The following LRRC4C variants were observed in gnomAD, a reference collection of about 807,000 sequenced individuals.
LRRC4C encodes the protein leucine-rich repeat-containing protein 4C.
Under a neutral mutation model 33.6 loss-of-function variants are expected in LRRC4C, and 5 were observed. The ratio of observed to expected loss-of-function variants is 0.15; its 90% confidence interval spans 0.08 to 0.31. LRRC4C has a LOEUF of 0.31. LRRC4C is among the 10% of genes least tolerant of loss of function. The pLI is 1.00. For synonymous variants in LRRC4C, 329 were observed against 302.0 expected, an observed-to-expected ratio of 1.09 and a Z score of -0.93; for missense variants, 560 against 796.7, an observed-to-expected ratio of 0.70 and a Z score of 3.58.
intron 1 of LRRC4C, among the ~76,000 whole-genome samples, chr11:41,083,216 A>G (rs1461387936): frequency 3.9e-5 from 6 of 152,084 alleles, no homozygotes; most frequent in Non-Finnish European, 7.3e-5. Context: ...ACAAAGTATT[A>G]TTTATCTGAT....
intron 6 of LRRC4C, among the ~76,000 whole-genome samples, chr11:40,139,533 A>G (rs1234613573): frequency 6.6e-6 from 1 of 152,154 alleles, no homozygotes. Flanking sequence ...GACTTCACAC[A>G]TTATTTCCTT....
In LRRC4C at chr11:40,548,012, G is replaced by C. The variant is rs61886240; in HGVS notation, c.-270+100130C>G. Among the ~76,000 whole-genome samples, 662 of 152,138 alleles carry C rather than the reference G, an allele frequency of 4.4e-3. 4 individuals carry two copies. The highest frequency in any genetic ancestry group is 0.033 in the South Asian group (159 of 4,822). The stretch of plus-strand genomic sequence containing the variant: ...GAATGAGTCAGGCAATAAACACGGA[G>C]AATCAGTGAAGTGAATAGTATGTCA... On this transcript the variant is annotated intron_variant, in intron 3 of 6. Transcript: ENST00000528697.
At chr11:40,306,337 T>G (rs543992678) in intron 4 of LRRC4C, among the ~76,000 whole-genome samples, 1 of 152,330 alleles carries the variant, frequency 6.6e-6, no homozygotes, top group South Asian at 2.1e-4. Context: ...TCAGTTTGTC[T>G]GTTTTAAATA....
chr11:40,594,998 T>C (rs903633296), intron 3 of LRRC4C, among the ~76,000 whole-genome samples: 1 of 152,128 alleles, frequency 6.6e-6, no homozygotes, highest in African/African-American at 2.4e-5. Context: ...ATTGTTCTTT[T>C]ACACAGTAAG....
intron 2 of LRRC4C, among the ~76,000 whole-genome samples, chr11:40,909,946 T>G (rs1317165842): frequency 6.6e-6 from 1 of 152,218 alleles, no homozygotes; most frequent in African/African-American, 2.4e-5. Flanking sequence ...TCATTTATTT[T>G]AATGGAACAT....
At chr11:41,327,041 T>G (rs931154382) in intron 1 of LRRC4C, among the ~76,000 whole-genome samples, 2 of 152,174 alleles carry the variant, frequency 1.3e-5, no homozygotes, top group Non-Finnish European at 2.9e-5. Context: ...TAACTATTTG[T>G]GAGCCTCAGA....
At chr11:41,346,180 C>T (rs933449995) in intron 1 of LRRC4C, among the ~76,000 whole-genome samples, 1 of 152,270 alleles carries the variant, frequency 6.6e-6, no homozygotes, top group South Asian at 2.1e-4. Context: ...AAACAAAGCA[C>T]ATTAAAGAGA....
At chr11:40,543,434 T>C (rs1956800646) in intron 3 of LRRC4C, among the ~76,000 whole-genome samples, 1 of 152,096 alleles carries the variant, frequency 6.6e-6, no homozygotes, top group African/African-American at 2.4e-5. Context: ...TGAAAGCCAC[T>C]GTATTATAAT....
chr11:40,837,676 CAAAAAAAAAAAA>C (rs139136576), intron 2 of LRRC4C, among the ~76,000 whole-genome samples: 2 of 108,496 alleles, frequency 1.8e-5, no homozygotes, highest in Non-Finnish European at 3.7e-5. Flanking sequence ...CCTGTCTCTT[CAAAAAAAAAAAA>C]AAAAAAAAAT....
chr11:40,627,460 C>G (rs1000773633), intron 3 of LRRC4C, among the ~76,000 whole-genome samples: 1 of 152,026 alleles, frequency 6.6e-6, no homozygotes, highest in African/African-American at 2.4e-5. Flanking sequence ...AGAAAGTGAG[C>G]CTTAAGTAAG....
chr11:40,289,454 C>T (rs760599632), intron 4 of LRRC4C, among the ~76,000 whole-genome samples: 7 of 152,074 alleles, frequency 4.6e-5, no homozygotes, highest in Admixed American at 6.6e-5. Flanking sequence ...TATTTGAAAA[C>T]GTAACTTTAA....
At chr11:40,901,304 A>C (rs1956185083) in intron 2 of LRRC4C, among the ~76,000 whole-genome samples, 1 of 152,040 alleles carries the variant, frequency 6.6e-6, no homozygotes, top group Non-Finnish European at 1.5e-5. Flanking sequence ...ATACAAATTT[A>C]ATGGAATTCA....
At chr11:40,722,993 G>T (rs1300258899) in intron 2 of LRRC4C, among the ~76,000 whole-genome samples, 1 of 151,788 alleles carries the variant, frequency 6.6e-6, no homozygotes, top group African/African-American at 2.4e-5. Flanking sequence ...ACCAAGCAGG[G>T]GAAAGAATTT....
chr11:40,195,136 C>G (rs1215015821), intron 5 of LRRC4C, among the ~76,000 whole-genome samples: 5 of 151,828 alleles, frequency 3.3e-5, no homozygotes, highest in African/African-American at 1.2e-4. Context: ...AAGGCTGCAA[C>G]TCAGGAATCC....
chr11:40,534,125 T>C (rs556925214), intron 3 of LRRC4C, among the ~76,000 whole-genome samples: 60 of 152,124 alleles, frequency 3.9e-4, no homozygotes, highest in Non-Finnish European at 6.8e-4. Context: ...AGTTTCCTTA[T>C]TTATTACATG....
At chr11:40,450,832 T>C (rs974530783) in intron 3 of LRRC4C, among the ~76,000 whole-genome samples, 2 of 146,248 alleles carry the variant, frequency 1.4e-5, no homozygotes, top group Admixed American at 6.8e-5. Context: ...CCCAATGTAA[T>C]TAAATGAGAA....
At chr11:40,377,581 GTTCTTA>G (rs1445785032) in intron 3 of LRRC4C, among the ~76,000 whole-genome samples, 2 of 152,052 alleles carry the variant, frequency 1.3e-5, no homozygotes, top group Non-Finnish European at 2.9e-5. Flanking sequence ...TAAATTCTTA[GTTCTTA>G]TTCTTGTGAT....
At chr11:40,385,268 A>G (rs1686504167) in intron 3 of LRRC4C, among the ~76,000 whole-genome samples, 1 of 152,158 alleles carries the variant, frequency 6.6e-6, no homozygotes, top group Non-Finnish European at 1.5e-5. Context: ...TACTGGGAGG[A>G]AACATTAAGT....
At chr11:41,175,181 A>G (rs1034605516) in intron 1 of LRRC4C, among the ~76,000 whole-genome samples, 22 of 152,106 alleles carry the variant, frequency 1.4e-4, no homozygotes, top group African/African-American at 5.3e-4. Context: ...AACTTCTCTC[A>G]GTTAGATTCC....
Sources: allele counts gnomAD v4.1 joint callset (sites outside exome capture counted in the v4.1 genomes callset), GRCh38; gene constraint gnomAD v4.1.1; transcripts MANE v1.5; gene names NCBI Gene and HGNC (gene_info 2026-07-23, HGNC 2026-07-21).